RSRP1: variants seen among roughly 807,000 people sequenced by gnomAD.
RSRP1 encodes arginine and serine rich protein 1, also known as arginine/serine-rich protein 1.
Under a neutral mutation model 33.0 loss-of-function variants are expected in RSRP1, and 37 were observed. The observed-to-expected ratio is 1.12, with a 90% CI of 0.86 to 1.48. The LOEUF is 1.48. RSRP1 is among the 40% of genes most tolerant of loss of function. The pLI is 0.00. For missense variants in RSRP1, 402 were observed against 385.3 expected, an observed-to-expected ratio of 1.04 and a Z score of -0.36; for synonymous variants, 167 against 158.7, an observed-to-expected ratio of 1.05 and a Z score of -0.40.
At chr1:25,284,495 A>C (rs1641782826) in intron 1 of RSRP1, 6 of 1,249,598 alleles carry the variant, frequency 4.8e-6, no homozygotes, top group Non-Finnish European at 6.9e-6. Context: ...GCTGCCATTT[A>C]GTAAGACTCT....
intron 1 of RSRP1, among the ~76,000 whole-genome samples, chr1:25,295,351 G>A (rs1470178832): frequency 9.0e-6 from 1 of 111,148 alleles, no homozygotes; most frequent in Non-Finnish European, 2.1e-5. Context: ...GTTCAATTTT[G>A]AACACTGTTC....
chr1:25,258,495 T>C lies in RSRP1; in HGVS notation c.-66-11466A>G, dbSNP rs748588840. On this transcript the variant is annotated intron_variant, in intron 1 of 1. Coordinates refer to the RSRP1 transcript ENST00000561867. Reference sequence around the variant, plus strand: ...GCCCAGCCGGCAACTGGTGTTCTCATGGGAGAAGAAGACTTTTTGGAAGAC... The same window carrying C: ...GCCCAGCCGGCAACTGGTGTTCTCACGGGAGAAGAAGACTTTTTGGAAGAC... Among the ~76,000 whole-genome samples, 9 of 152,136 alleles carry C rather than the reference T, an allele frequency of 5.9e-5. 1 individual carries two copies. The highest frequency in any genetic ancestry group is 8.8e-5 in the Non-Finnish European group (6 of 68,024).
At chr1:25,319,603 T>G (rs1182269769) in intron 1 of RSRP1, among the ~76,000 whole-genome samples, 1 of 131,966 alleles carries the variant, frequency 7.6e-6, no homozygotes, top group South Asian at 2.3e-4. Flanking sequence ...AGCAAGACCC[T>G]GTCTCAAAAA....
In RSRP1 at chr1:25,289,298, G is replaced by A. The variant is rs1389694627; in HGVS notation, c.-66-42269C>T. Among the ~76,000 whole-genome samples the A allele has an allele frequency of 9.9e-5, 13 of 130,714 alleles. 1 individual carries two copies. In the East Asian group the frequency reaches 2.6e-3, roughly 26 times the overall value. 85.8% of individuals were successfully genotyped at this position (130,714 alleles called of 152,430 possible). ...AAACCTCTGCCTCCCGGGTTCAAGC[G>A]ACTGCCATGCCTCAGCCTCGAGAGT... On this transcript the variant is annotated intron_variant, in intron 1 of 1. Transcript: ENST00000561867.
At chr1:25,244,711 G>A (rs2124531896) in intron 3 of RSRP1, 1 of 1,184,568 alleles carries the variant, frequency 8.4e-7, no homozygotes, top group Middle Eastern at 3.8e-4. Flanking sequence ...TTGAGACAGG[G>A]TCTCGCTCTG....
chr1:25,276,771 A>C lies in RSRP1; in HGVS notation c.-66-29742T>G, dbSNP rs1380605553. Among the ~76,000 whole-genome samples, 2 of 132,046 alleles carry C rather than the reference A, an allele frequency of 1.5e-5. 1 individual carries two copies. The highest frequency in any genetic ancestry group is 3.6e-5 in the Non-Finnish European group (2 of 55,892). 86.6% of individuals were successfully genotyped at this position (132,046 alleles called of 152,430 possible). A position where few individuals can be genotyped will look rare whatever the true frequency, so the allele number is the denominator to read the frequency against. On this transcript the variant is annotated intron_variant, in intron 1 of 1. Transcript: ENST00000561867. ...GCTGTAATAACAAATTTAAAAATAT[A>C]AATAAAACATAAAGGCTGGGTGTAG...
chr1:25,334,475 C>G lies in RSRP1; in HGVS notation c.-67+3503G>C, dbSNP rs1284320776. ...AACTTTTCCAGGTACACGGTGCAAG[C>G]TGTCGGTGGATCTACCATTCTGGGG... is the stretch of plus-strand genomic sequence containing the variant. On this transcript the variant is annotated intron_variant, in intron 1 of 1. Coordinates refer to the RSRP1 transcript ENST00000561867. Among the ~76,000 whole-genome samples the G allele has an allele frequency of 2.3e-5, 3 of 131,706 alleles. 1 individual carries two copies. Among genetic ancestry groups the G allele is most frequent in the Non-Finnish European group, 5.4e-5 (3 of 55,692 alleles). 86.4% of individuals were successfully genotyped at this position (131,706 alleles called of 152,430 possible).
rs572806396 is a variant in RSRP1, at chr1:25,275,142, T to C, written c.-66-28113A>G. Among the ~76,000 whole-genome samples the C allele has an allele frequency of 4.6e-5, 6 of 130,836 alleles. No homozygotes were observed. The East Asian group carries it at 1.2e-3, about 26-fold the overall frequency. 85.8% of individuals were successfully genotyped at this position (130,836 alleles called of 152,430 possible). A position where few individuals can be genotyped will look rare whatever the true frequency, so the allele number is the denominator to read the frequency against. ...CTGTCTCTACTAAAAATACAAAAAT[T>C]AGCCGGATGTGGTGGCACGTGCCTG... is the stretch of plus-strand genomic sequence containing the variant. On this transcript the variant is annotated intron_variant, in intron 1 of 1. Transcript: ENST00000561867.
upstream of RSRP1, among the ~76,000 whole-genome samples, chr1:25,249,373 T>G (rs1639703842): frequency 6.6e-6 from 1 of 152,168 alleles, no homozygotes; most frequent in Non-Finnish European, 1.5e-5. Context: ...AGTCTCGCTT[T>G]GGCGCCCAGG....
chr1:25,312,957 T>TAAAAAAAAAAA (rs1491188755), intron 1 of RSRP1, among the ~76,000 whole-genome samples: 2 of 24,430 alleles, frequency 8.2e-5, no homozygotes, highest in Non-Finnish European at 2.8e-4. Flanking sequence ...AAAAAAAAAC[T>TAAAAAAAAAAA]TTAGTGCTAT....
chr1:25,254,934 G>A (rs189935983), intron 1 of RSRP1, among the ~76,000 whole-genome samples: 132 of 152,296 alleles, frequency 8.7e-4, no homozygotes, highest in African/African-American at 2.9e-3. Flanking sequence ...AGTCACGTCC[G>A]TGCCTAATGG....
rs1638896205 is a variant in RSRP1 at position 25,242,303 on chromosome 1, T to C, written c.*286A>G. On this transcript the variant is annotated 3_prime_UTR_variant, in exon 5 of 5. Coordinates refer to ENST00000243189, the MANE Select transcript of RSRP1 (RefSeq NM_020317.5). ...ATACAAAACAGGAATACAGTTCAAT[T>C]ACTGTGTCTAAAAAATTTCATTTTT... 1 of 207,032 alleles carries C rather than the reference T, an allele frequency of 4.8e-6. No homozygotes were observed. Among genetic ancestry groups the C allele is most frequent in the African/African-American group, 2.3e-5 (1 of 43,284 alleles). 12.8% of individuals were successfully genotyped at this position (207,032 alleles called of 1,614,324 possible). A position where few individuals can be genotyped will look rare whatever the true frequency, so the allele number is the denominator to read the frequency against.
intron 1 of RSRP1, chr1:25,272,337 T>G: frequency 6.9e-6 from 4 of 582,008 alleles, no homozygotes; most frequent in Non-Finnish European, 6.0e-6. Flanking sequence ...TGAATGACAA[T>G]ATTGGAAAAC....
Position 25,242,569 on chromosome 1 carries a change from T to A in RSRP1, c.*20A>T. 6.9e-7 allele frequency: 1 copy of A among 1,451,352 alleles called. No individual in the cohort carries two copies. The highest frequency in any genetic ancestry group is 9.6e-7 in the Non-Finnish European group (1 of 1,045,766). 89.9% of individuals were successfully genotyped at this position (1,451,352 alleles called of 1,614,324 possible). A position where few individuals can be genotyped will look rare whatever the true frequency, so the allele number is the denominator to read the frequency against. ...ATAAAGTGCAGTTTTCATGCAAACTTAGCCATCAGTTTTCTTCTTTTAGAT... is the reference window on the plus strand; with the variant it reads ...ATAAAGTGCAGTTTTCATGCAAACTAAGCCATCAGTTTTCTTCTTTTAGAT... On this transcript the variant is annotated 3_prime_UTR_variant, in exon 5 of 5. Transcript: ENST00000243189.
At chr1:25,314,355 T>C (rs1159073605) in intron 1 of RSRP1, among the ~76,000 whole-genome samples, 2 of 133,278 alleles carry the variant, frequency 1.5e-5, no homozygotes, top group African/African-American at 5.1e-5. Flanking sequence ...TTTTGGACAG[T>C]TGAATATCTT....
Position 25,288,270 on chromosome 1 carries a change from G to A in RSRP1, c.-66-41241C>T, listed in dbSNP as rs1159243587. Among the ~76,000 whole-genome samples the A allele has an allele frequency of 8.4e-5, 11 of 130,764 alleles. 3 individuals carry two copies. Among genetic ancestry groups the A allele is most frequent in the Non-Finnish European group, 1.6e-4 (9 of 55,282 alleles). The allele number at this position is 130,764 out of a possible 152,430, so 85.8% of individuals were successfully genotyped here. Reference sequence around the variant, plus strand: ...TGGGCTCAAGTGATCTGCCCACCTCGGCTCTGAAAAGTACTGGAATTACAG... The same window carrying A: ...TGGGCTCAAGTGATCTGCCCACCTCAGCTCTGAAAAGTACTGGAATTACAG... On this transcript the variant is annotated intron_variant, in intron 1 of 1. Coordinates refer to the RSRP1 transcript ENST00000561867.
chr1:25,245,990 CCCGCCT>C (rs373067870), intron 2 of RSRP1: 12 of 160,794 alleles, frequency 7.5e-5, no homozygotes, highest in Admixed American at 3.6e-4. Flanking sequence ...AAGTGACCCA[CCCGCCT>C]CCGCCTCCGC....
At chr1:25,242,769 A>G in intron 4 of RSRP1, 64 bp from the exon 5 acceptor site, 2 of 1,146,958 alleles carry the variant, frequency 1.7e-6, no homozygotes, top group South Asian at 2.6e-5. Context: ...CACAAAAAAA[A>G]GTACATTAAA....
At chr1:25,244,087 G>A in intron 3 of RSRP1, 6 of 1,224,590 alleles carry the variant, frequency 4.9e-6, no homozygotes, top group Non-Finnish European at 6.2e-6. Context: ...CCCGAGACGG[G>A]AGTCTTGCTC....
Sources: allele counts gnomAD v4.1 joint callset (sites outside exome capture counted in the v4.1 genomes callset), GRCh38; gene constraint gnomAD v4.1.1; transcripts MANE v1.5; gene names NCBI Gene and HGNC (gene_info 2026-07-23, HGNC 2026-07-21).